The following PUDP variants were observed in gnomAD, a reference collection of about 807,000 sequenced individuals.
PUDP encodes pseudouridine 5'-phosphatase.
In PUDP, 8 loss-of-function variants were observed where a neutral mutation model predicts 9.4. That is an observed-to-expected ratio of 0.85 (90% CI 0.50 to 1.53). The LOEUF (loss-of-function observed/expected upper bound fraction) is 1.53, where lower values mean the gene tolerates loss of function less well. PUDP is among the 40% of genes most tolerant of loss of function. The pLI is 0.00. For synonymous variants in PUDP, 99 were observed against 80.7 expected (o/e 1.23, Z -1.22); for missense variants, 188 against 189.7 (o/e 0.99, Z 0.05).
chrX:6,983,976 G>A lies in PUDP; in HGVS notation c.205-5633C>T, dbSNP rs141057683. Among the ~76,000 whole-genome samples, 382 of 112,330 alleles carry A rather than the reference G, an allele frequency of 3.4e-3. 2 individuals are homozygous for A. The highest frequency in any genetic ancestry group is 8.1e-3 in the African/African-American group (250 of 30,928). On this transcript the variant is annotated intron_variant and NMD_transcript_variant, in intron 1 of 3. Coordinates refer to the PUDP transcript ENST00000655425. ...CTCCCACACTGTGGAGTGTACTTTC[G>A]TTTTCAATAAATCCCTTTATTCCTT...
In PUDP at chrX:7,057,609, G is replaced by C. The variant is rs73627527; in HGVS notation, c.511-7137C>G. 191 of 1,098,279 alleles carry C rather than the reference G, an allele frequency of 1.7e-4. No individual in the cohort carries two copies. In the African/African-American group the frequency reaches 3.2e-3, roughly 18 times the overall value. The allele number at this position is 1,098,279 out of a possible 1,213,427, so 90.5% of individuals were successfully genotyped here. A position where few individuals can be genotyped will look rare whatever the true frequency, so the allele number is the denominator to read the frequency against. Reference sequence around the variant, plus strand: ...CGCCATTTTGGTGGCAGGAAGGAGAGGTAGCTTTTGTGACAAGTTGGGTTT... The same window carrying C: ...CGCCATTTTGGTGGCAGGAAGGAGACGTAGCTTTTGTGACAAGTTGGGTTT... On this transcript the variant is annotated intron_variant, in intron 3 of 3. Transcript: ENST00000381077.
At chrX:6,868,596 T>A (rs1031132635) in intron 3 of PUDP, among the ~76,000 whole-genome samples, 3 of 112,565 alleles carry the variant, frequency 2.7e-5, no homozygotes, top group Admixed American at 9.4e-5. Context: ...GTCCACTTTG[T>A]GTCTCTCTAT....
intron 1 of PUDP, among the ~76,000 whole-genome samples, chrX:6,711,511 G>C (rs1384384779): frequency 2.7e-5 from 3 of 111,134 alleles, no homozygotes; most frequent in African/African-American, 9.8e-5. Flanking sequence ...TCCTATTTTA[G>C]GTTTTATGTC....
At chrX:6,865,557 G>C (rs1301820207) in intron 3 of PUDP, among the ~76,000 whole-genome samples, 1 of 112,303 alleles carries the variant, frequency 8.9e-6, no homozygotes, top group African/African-American at 3.2e-5. Context: ...AACATCTCTA[G>C]AGCTTCCACA....
intron 1 of PUDP, among the ~76,000 whole-genome samples, chrX:7,136,223 G>T (rs1932738045): frequency 1.8e-5 from 2 of 111,872 alleles, no homozygotes; most frequent in Non-Finnish European, 3.8e-5. Flanking sequence ...AACTGCTAGA[G>T]GTCCAGATGG....
chrX:6,899,235 T>TC (rs1927636938), intron 3 of PUDP, among the ~76,000 whole-genome samples: 1 of 112,792 alleles, frequency 8.9e-6, no homozygotes. Context: ...ACTGGCCACT[T>TC]CAAGTCTTTG....
intron 1 of PUDP, among the ~76,000 whole-genome samples, chrX:6,986,269 T>A (rs1228052700): frequency 2.7e-5 from 3 of 111,536 alleles, no homozygotes; most frequent in Non-Finnish European, 5.6e-5. Context: ...ACTCTGCAGA[T>A]TTGCTCTGAA....
At chrX:6,721,046 A>C (rs771631114) in intron 1 of PUDP, among the ~76,000 whole-genome samples, 1 of 112,042 alleles carries the variant, frequency 8.9e-6, no homozygotes, top group Non-Finnish European at 1.9e-5. Flanking sequence ...CCTTTTCATT[A>C]GTTTAAATTT....
chrX:6,713,144 T>C (rs185487919), intron 1 of PUDP, among the ~76,000 whole-genome samples: 1 of 112,447 alleles, frequency 8.9e-6, no homozygotes, highest in African/African-American at 3.2e-5. Context: ...TGTCTTTTCA[T>C]CTTCACATCC....
chrX:6,712,827 C>T (rs1174497199), intron 1 of PUDP, among the ~76,000 whole-genome samples: 1 of 111,259 alleles, frequency 9.0e-6, no homozygotes, highest in African/African-American at 3.3e-5. Context: ...GCGGGTGGAT[C>T]ACTTGAGGCC....
intron 1 of PUDP, among the ~76,000 whole-genome samples, chrX:6,985,602 T>C (rs1310091634): frequency 2.7e-5 from 3 of 111,475 alleles, no homozygotes; most frequent in Admixed American, 9.5e-5. Flanking sequence ...ATTCCGGCCT[T>C]TGTATGAGGG....
At chrX:6,846,152 T>C (rs1163141831) in intron 3 of PUDP, among the ~76,000 whole-genome samples, 1 of 111,158 alleles carries the variant, frequency 9.0e-6, no homozygotes, top group Non-Finnish European at 1.9e-5. Context: ...AAGTGTCAGT[T>C]TTCTCTGGGA....
At chrX:6,828,364 A>ATGTGTG (rs72476427) in intron 3 of PUDP, among the ~76,000 whole-genome samples, 1 of 106,969 alleles carries the variant, frequency 9.3e-6, no homozygotes, top group African/African-American at 3.4e-5. Context: ...GTTGCTATAT[A>ATGTGTG]TGTGTGTGTG....
At chrX:6,764,571 C>T (rs753830743) in intron 3 of PUDP, among the ~76,000 whole-genome samples, 1 of 112,055 alleles carries the variant, frequency 8.9e-6, no homozygotes, top group East Asian at 2.8e-4. Context: ...GCTTGCATGT[C>T]AGAAACAGTG....
At chrX:7,124,169 AAAG>A (rs1338804118) in intron 1 of PUDP, among the ~76,000 whole-genome samples, 2 of 112,512 alleles carry the variant, frequency 1.8e-5, no homozygotes, top group Non-Finnish European at 3.7e-5. Flanking sequence ...ATAAGTTTAC[AAAG>A]AAGTGAAATC....
At chrX:6,979,017 A>G (rs1928995114) in intron 1 of PUDP, among the ~76,000 whole-genome samples, 1 of 111,129 alleles carries the variant, frequency 9.0e-6, no homozygotes, top group African/African-American at 3.2e-5. Context: ...ATTTTTGGGC[A>G]AGAAACAAAG....
chrX:6,757,791 T>G (rs1925185469), intron 3 of PUDP, among the ~76,000 whole-genome samples: 1 of 112,428 alleles, frequency 8.9e-6, no homozygotes, highest in African/African-American at 3.2e-5. Flanking sequence ...CATTTCAGTT[T>G]TCACTAAGCA....
At chrX:6,757,669 A>G (rs938302181) in intron 3 of PUDP, among the ~76,000 whole-genome samples, 1 of 112,422 alleles carries the variant, frequency 8.9e-6, no homozygotes, top group African/African-American at 3.2e-5. Context: ...AGAAAATGGT[A>G]GCCCCTTAAA....
chrX:6,739,433 C>T (rs1351459219), intron 3 of PUDP, among the ~76,000 whole-genome samples: 3 of 111,460 alleles, frequency 2.7e-5, no homozygotes, highest in South Asian at 3.9e-4. Flanking sequence ...GTTATCAATT[C>T]GGAGTAACAT....
Sources: allele counts gnomAD v4.1 joint callset (sites outside exome capture counted in the v4.1 genomes callset), GRCh38; gene constraint gnomAD v4.1.1; transcripts MANE v1.5; gene names NCBI Gene and HGNC (gene_info 2026-07-23, HGNC 2026-07-21).